DACH2: variants seen among roughly 807,000 people sequenced by gnomAD.
DACH2 encodes the protein dachshund family transcription factor 2.
DACH2 carries 17 observed loss-of-function variants against 35.8 expected under a neutral mutation model. That is an observed-to-expected ratio of 0.48 (90% CI 0.33 to 0.71). The LOEUF is 0.71. Ranked by LOEUF, DACH2 falls within the 30% of genes least tolerant of loss-of-function variation. The pLI is 0.02. For missense variants in DACH2, 469 were observed against 472.7 expected (o/e 0.99, Z 0.07); for synonymous variants, 195 against 177.3 (o/e 1.10, Z -0.79).
At position 86,447,236 on chromosome X, in the gene DACH2, G is replaced by T. The variant is rs1308387434; in HGVS notation, c.528-67043G>T. On this transcript the variant is annotated intron_variant, in intron 2 of 11. Coordinates refer to ENST00000373125, the MANE Select transcript of DACH2 (RefSeq NM_053281.3). Reference sequence around the variant, plus strand: ...GTAGGTTGCGAAAATTTTCTCCCATGTTGTAGGTTGCCTGTTCACTCTGAT... The same window carrying T: ...GTAGGTTGCGAAAATTTTCTCCCATTTTGTAGGTTGCCTGTTCACTCTGAT... 2.0e-3 allele frequency among the ~76,000 whole-genome samples: 158 copies of T among 80,758 alleles called. 1 individual carries two copies. The East Asian group carries it at 0.024, about 12-fold the overall frequency. The allele number at this position is 80,758 out of a possible 115,157, so 70.1% of individuals were successfully genotyped here. A position where few individuals can be genotyped will look rare whatever the true frequency, so the allele number is the denominator to read the frequency against.
At chrX:86,293,475 G>A (rs1203092492) in intron 1 of DACH2, among the ~76,000 whole-genome samples, 2 of 106,663 alleles carry the variant, frequency 1.9e-5, no homozygotes, top group Non-Finnish European at 3.9e-5. Context: ...TATGATGTTA[G>A]CTGGTTATTT....
At chrX:86,441,167 C>G (rs760059514) in intron 2 of DACH2, among the ~76,000 whole-genome samples, 3 of 110,944 alleles carry the variant, frequency 2.7e-5, no homozygotes, top group African/African-American at 9.8e-5. Flanking sequence ...AATGGGGAAG[C>G]CTTCACCTCA....
chrX:86,288,552 T>A (rs2034201724), intron 1 of DACH2, among the ~76,000 whole-genome samples: 2 of 111,934 alleles, frequency 1.8e-5, no homozygotes, highest in African/African-American at 6.5e-5. Flanking sequence ...CTTAGAGGTG[T>A]AATTGTGTAT....
At chrX:86,535,320 T>A (rs1246614306) in intron 3 of DACH2, among the ~76,000 whole-genome samples, 1 of 111,759 alleles carries the variant, frequency 8.9e-6, no homozygotes, top group Non-Finnish European at 1.9e-5. Flanking sequence ...TGTTTTGTGC[T>A]GCTGTAACAG....
At chrX:86,459,043 A>C (rs1418720723) in intron 2 of DACH2, among the ~76,000 whole-genome samples, 1 of 112,032 alleles carries the variant, frequency 8.9e-6, no homozygotes, top group Non-Finnish European at 1.9e-5. Context: ...ATTTTAAAGA[A>C]AAAATAGAGA....
At chrX:86,600,371 G>T (rs1485585634) in intron 3 of DACH2, among the ~76,000 whole-genome samples, 2 of 111,961 alleles carry the variant, frequency 1.8e-5, no homozygotes, top group Non-Finnish European at 3.8e-5. Context: ...TGAACTATAT[G>T]CTGTATATTT....
At chrX:86,452,346 G>A (rs1335953056) in intron 2 of DACH2, among the ~76,000 whole-genome samples, 1 of 111,777 alleles carries the variant, frequency 8.9e-6, no homozygotes, top group Non-Finnish European at 1.9e-5. Flanking sequence ...GATAGAATGA[G>A]TTAGGGAGGA....
chrX:86,364,567 G>A, intron 1 of DACH2, among the ~76,000 whole-genome samples: 1 of 111,167 alleles, frequency 9.0e-6, no homozygotes, highest in South Asian at 3.8e-4. Context: ...CTAAACAAGG[G>A]GTGACCTTAG....
intron 3 of DACH2, among the ~76,000 whole-genome samples, chrX:86,584,418 T>C (rs1041339807): frequency 7.2e-5 from 8 of 111,174 alleles, no homozygotes; most frequent in Non-Finnish European, 1.3e-4. Context: ...AATAAACAGC[T>C]TTTGCATTCA....
At chrX:86,823,254 G>T (rs755153860) in intron 11 of DACH2, among the ~76,000 whole-genome samples, 1 of 111,803 alleles carries the variant, frequency 8.9e-6, no homozygotes, top group East Asian at 2.8e-4. Flanking sequence ...ATTTTAGACT[G>T]GGATTCCTTA....
intron 1 of DACH2, among the ~76,000 whole-genome samples, chrX:86,349,681 T>G (rs1171651021): frequency 8.9e-6 from 1 of 112,363 alleles, no homozygotes; most frequent in Non-Finnish European, 1.9e-5. Context: ...TCCAAGATAA[T>G]CTGGTTAAAT....
chrX:86,412,137 C>G (rs2036624860), intron 2 of DACH2, among the ~76,000 whole-genome samples: 1 of 111,354 alleles, frequency 9.0e-6, no homozygotes, highest in Non-Finnish European at 1.9e-5. Context: ...GTAGGAGGAG[C>G]CCAAAGTGTC....
chrX:86,482,897 A>G (rs1041215911), intron 2 of DACH2, among the ~76,000 whole-genome samples: 1 of 104,667 alleles, frequency 9.6e-6, no homozygotes, highest in Non-Finnish European at 1.9e-5. Context: ...AGAACAAAAA[A>G]CCAAACACTG....
At chrX:86,631,217 T>A (rs1488621377) in intron 3 of DACH2, among the ~76,000 whole-genome samples, 6 of 112,205 alleles carry the variant, frequency 5.3e-5, no homozygotes, top group Non-Finnish European at 9.4e-5. Context: ...ACTACCTTCA[T>A]GTGGTTTCTT....
intron 1 of DACH2, among the ~76,000 whole-genome samples, chrX:86,268,019 A>G: frequency 1.8e-5 from 2 of 112,195 alleles, no homozygotes; most frequent in South Asian, 7.4e-4. Context: ...ATGTGTTTGT[A>G]ATTGGGAGAA....
intron 1 of DACH2, among the ~76,000 whole-genome samples, chrX:86,327,566 C>T (rs996973559): frequency 9.0e-6 from 1 of 110,635 alleles, no homozygotes; most frequent in Admixed American, 9.7e-5. Flanking sequence ...CAGAATGAAG[C>T]TATCATGAGT....
At chrX:86,330,593 A>G (rs1251502658) in intron 1 of DACH2, among the ~76,000 whole-genome samples, 1 of 111,667 alleles carries the variant, frequency 9.0e-6, no homozygotes. Context: ...AATAATAATA[A>G]TTTTAAAAAC....
intron 2 of DACH2, among the ~76,000 whole-genome samples, chrX:86,500,650 T>A (rs1389549795): frequency 9.0e-6 from 1 of 111,692 alleles, no homozygotes; most frequent in Non-Finnish European, 1.9e-5. Context: ...AATCACCAAT[T>A]TTAGAGCACC....
At chrX:86,377,614 A>T (rs755505531) in intron 2 of DACH2, among the ~76,000 whole-genome samples, 1 of 110,478 alleles carries the variant, frequency 9.1e-6, no homozygotes, top group Admixed American at 9.7e-5. Context: ...AGTTCCTGTC[A>T]GTAGTGCCCC....
Sources: gnomAD v4.1 joint callset for allele counts (sites outside exome capture counted in the v4.1 genomes callset) on GRCh38, gnomAD v4.1.1 for gene constraint, MANE v1.5 for transcripts, NCBI Gene and HGNC (gene_info 2026-07-23, HGNC 2026-07-21) for gene names.